The following CD300LD variants were observed in gnomAD, a reference collection of about 807,000 sequenced individuals.
The protein encoded by CD300LD is CD300 molecule like family member d.
CD300LD carries 18 observed loss-of-function variants against 20.3 expected under a neutral mutation model. The ratio of observed to expected loss-of-function variants is 0.89; its 90% CI spans 0.61 to 1.32. The LOEUF (loss-of-function observed/expected upper bound fraction) is 1.32, where lower values mean the gene tolerates loss of function less well. CD300LD is among the 40% of genes most tolerant of loss of function. The pLI, the probability that CD300LD is intolerant of heterozygous loss-of-function variation, is 0.00. For synonymous variants in CD300LD, 104 were observed against 90.1 expected (o/e 1.15, Z -0.87); for missense variants, 195 against 226.6 (o/e 0.86, Z 0.90).
downstream of CD300LD, among the ~76,000 whole-genome samples, chr17:74,579,129 C>G: frequency 6.6e-6 from 1 of 152,236 alleles, no homozygotes; most frequent in South Asian, 2.1e-4. Context: ...CCAGGAATCT[C>G]CTGACTTCCC....
chr17:74,591,268 AAAT>A (rs58060319), intron 1 of CD300LD, among the ~76,000 whole-genome samples: 65 of 142,386 alleles, frequency 4.6e-4, no homozygotes, highest in African/African-American at 1.2e-3. Flanking sequence ...AAAAAAATAA[AAAT>A]AATAATAATA....
chr17:74,578,866 T>G (rs2029972692), downstream of CD300LD, among the ~76,000 whole-genome samples: 1 of 152,160 alleles, frequency 6.6e-6, no homozygotes, highest in African/African-American at 2.4e-5. Flanking sequence ...AGCACCACCC[T>G]GGGGACCCAG....
At chr17:74,580,812 T>A (rs1442715659) in intron 3 of CD300LD, among the ~76,000 whole-genome samples, 1 of 148,638 alleles carries the variant, frequency 6.7e-6, no homozygotes. Context: ...GCACGTGTAA[T>A]CCCAGCACTT....
rs752606071 is a variant in CD300LD at position 74,580,087 on chromosome 17, A to T, written c.500T>A (p.Leu167Gln). The T allele has an allele frequency of 1.2e-6, 2 of 1,612,868 alleles. No homozygotes were observed. Among genetic ancestry groups the T allele is most frequent in the East Asian group, 4.5e-5 (2 of 44,844 alleles). ...TRSPLKSTHF[L>Q]FLFLLELPLL... is the part of the protein sequence containing the mutation. ...AGGCAGCTCCAGGAGGAACAGGAACAGGAAGTGGGTGCTCTTGAGCGGGGA... is the reference window on the plus strand; with the variant it reads ...AGGCAGCTCCAGGAGGAACAGGAACTGGAAGTGGGTGCTCTTGAGCGGGGA... Residue 167 changes from leucine (L) to glutamine (Q), a missense_variant, in exon 4 of 4, where the codon CTG becomes CAG. Transcript: ENST00000375352.
At chr17:74,581,532 TG>T (rs2030036773) in intron 3 of CD300LD, among the ~76,000 whole-genome samples, 2 of 152,244 alleles carry the variant, frequency 1.3e-5, no homozygotes, top group Admixed American at 1.3e-4. Context: ...CAGACCCCTC[TG>T]CCAGCTTGGG....
At position 74,579,789 on chromosome 17, in the gene CD300LD, G is replaced by A. The variant is rs1259833371; in HGVS notation, c.*213C>T. On this transcript the variant is annotated 3_prime_UTR_variant, in exon 4 of 4. Transcript: ENST00000375352. ...AGCCCCAGCTACTCTGGAGGTTGAGGCAGGAGGATCGCTTGAGCCTGGGAG... is the reference window on the plus strand; with the variant it reads ...AGCCCCAGCTACTCTGGAGGTTGAGACAGGAGGATCGCTTGAGCCTGGGAG... The A allele has an allele frequency of 1.2e-5, 4 of 339,298 alleles. No homozygotes were observed. The highest frequency in any genetic ancestry group is 6.3e-5 in the African/African-American group (3 of 47,246). 21.0% of individuals were successfully genotyped at this position (339,298 alleles called of 1,614,324 possible).
chr17:74,591,478 G>T (rs1253720428), intron 1 of CD300LD, among the ~76,000 whole-genome samples: 2 of 151,936 alleles, frequency 1.3e-5, no homozygotes, highest in Middle Eastern at 3.2e-3. Context: ...TGGGAAAAAG[G>T]TTTGATGCTT....
chr17:74,579,929 G>C lies in CD300LD; in HGVS notation c.*73C>G, dbSNP rs1235959765. On this transcript the variant is annotated 3_prime_UTR_variant, in exon 4 of 4. Transcript: ENST00000375352. ...GAAAAGAAAATGTTTTTTCTTCTGTGGGAGGGCCTTTCGCCCTGGACAGGA... is the reference window on the plus strand; with the variant it reads ...GAAAAGAAAATGTTTTTTCTTCTGTCGGAGGGCCTTTCGCCCTGGACAGGA... The C allele has an allele frequency of 1.2e-6, 1 of 848,572 alleles. No homozygotes were observed. Among genetic ancestry groups the C allele is most frequent in the Admixed American group, 2.3e-5 (1 of 44,034 alleles). The allele number at this position is 848,572 out of a possible 1,614,324, so 52.6% of individuals were successfully genotyped here. A position where few individuals can be genotyped will look rare whatever the true frequency, so the allele number is the denominator to read the frequency against.
chr17:74,589,564 C>T (rs553572209), intron 1 of CD300LD, among the ~76,000 whole-genome samples: 55 of 152,316 alleles, frequency 3.6e-4, no homozygotes, highest in South Asian at 1.5e-3. Context: ...GGGTGAGGAA[C>T]GGGCATACCT....
At chr17:74,590,048 C>A (rs1269756222) in intron 1 of CD300LD, among the ~76,000 whole-genome samples, 7 of 152,200 alleles carry the variant, frequency 4.6e-5, no homozygotes, top group African/African-American at 1.7e-4. Flanking sequence ...CAAATCTCAT[C>A]TTGAATTGTA....
chr17:74,580,362 G>A (rs2030006589), intron 3 of CD300LD, among the ~76,000 whole-genome samples: 1 of 152,162 alleles, frequency 6.6e-6, no homozygotes. Context: ...CGGCCTTTTT[G>A]GCTGGTCTCC....
rs775705093 is a variant in CD300LD at position 74,588,655 on chromosome 17, C to A, written c.235G>T (p.Val79Phe). 4 of 1,614,074 alleles carry A rather than the reference C, an allele frequency of 2.5e-6. No homozygotes were observed. In the East Asian group the frequency reaches 8.9e-5, roughly 36 times the overall value. Residue 79 changes from valine to phenylalanine, a missense_variant, in exon 2 of 4, where the codon GTT becomes TTT. Val to Phe is a conservative substitution (Grantham distance 50). Transcript: ENST00000375352. ...GSEQEVKKNR[V>F]SIRDNQKNHV... ...TTTTTCTGATTGTCCCTGATGGAAA[C>A]TCGATTCTTCTTTACCTCCTGCTCT...
intron 2 of CD300LD, among the ~76,000 whole-genome samples, chr17:74,586,680 T>C (rs1396648072): frequency 6.6e-6 from 1 of 152,108 alleles, no homozygotes; most frequent in African/African-American, 2.4e-5. Flanking sequence ...ACAGGTAACG[T>C]TAGTGGGAGG....
intron 3 of CD300LD, among the ~76,000 whole-genome samples, chr17:74,580,666 C>G (rs2030012984): frequency 6.6e-6 from 1 of 152,158 alleles, no homozygotes; most frequent in African/African-American, 2.4e-5. Context: ...ATTCCACCCC[C>G]TCACCATCCT....
rs563701845 is a variant in CD300LD at position 74,587,536 on chromosome 17, A to AT, written c.379+974dup. 3.4e-3 allele frequency among the ~76,000 whole-genome samples: 518 copies of AT among 152,132 alleles called. 1 individual carries two copies. Among genetic ancestry groups the AT allele is most frequent in the African/African-American group, 0.012 (480 of 41,502 alleles). The stretch of plus-strand genomic sequence containing the variant: ...ACAGAAAACATATCTCATTTCATTG[A>AT]TTTTTCCCTATTACTTTTGTTTTCG... On this transcript the variant is annotated intron_variant, in intron 2 of 3. Coordinates refer to ENST00000375352, the MANE Select transcript of CD300LD (RefSeq NM_001115152.2).
chr17:74,583,811 G>A (rs1172352157), intron 2 of CD300LD, among the ~76,000 whole-genome samples: 2 of 146,546 alleles, frequency 1.4e-5, no homozygotes, highest in African/African-American at 5.1e-5. Flanking sequence ...GCAGTGCAGT[G>A]GCATGATCTT....
intron 3 of CD300LD, among the ~76,000 whole-genome samples, chr17:74,581,387 G>A (rs1318939298): frequency 6.6e-6 from 1 of 152,188 alleles, no homozygotes; most frequent in East Asian, 1.9e-4. Context: ...ACGGTCTGTG[G>A]TTTGGGCTCT....
chr17:74,589,046 C>T (rs1285073725), intron 1 of CD300LD, among the ~76,000 whole-genome samples, 197 bp from the exon 2 acceptor site: 1 of 152,216 alleles, frequency 6.6e-6, no homozygotes, highest in Admixed American at 6.5e-5. Flanking sequence ...AGCACAACTG[C>T]AGATCCCCAA....
intron 1 of CD300LD, among the ~76,000 whole-genome samples, chr17:74,589,126 C>T (rs2030245706): frequency 6.6e-6 from 1 of 152,206 alleles, no homozygotes. Context: ...TCCCTATGGC[C>T]AGCAAATCTT....
Sources: gnomAD v4.1 joint callset for allele counts (sites outside exome capture counted in the v4.1 genomes callset) on GRCh38, gnomAD v4.1.1 for gene constraint, MANE v1.5 for transcripts, NCBI Gene and HGNC (gene_info 2026-07-23, HGNC 2026-07-21) for gene names.